The following MMEL1 variants were observed in gnomAD, a reference collection of about 807,000 sequenced individuals.
The protein encoded by MMEL1 is membrane metalloendopeptidase like 1.
MMEL1 carries 98 observed loss-of-function variants against 117.1 expected under a neutral mutation model. The observed-to-expected ratio is 0.84, with a 90% confidence interval of 0.71 to 0.99. The LOEUF (loss-of-function observed/expected upper bound fraction) is 0.99, where lower values mean the gene tolerates loss of function less well. MMEL1 is among the 50% of genes least tolerant of loss of function. MMEL1 has a pLI of 0.00. For missense variants in MMEL1, 1,014 were observed against 1,049.1 expected, an observed-to-expected ratio of 0.97 and a Z score of 0.46; for synonymous variants, 390 against 415.1, an observed-to-expected ratio of 0.94 and a Z score of 0.74.
chr1:2,605,505 G>C, intron 9 of MMEL1, 53 bp downstream of exon 9: 1 of 1,519,806 alleles, frequency 6.6e-7, no homozygotes, highest in Non-Finnish European at 9.1e-7. Context: ...GCCAGACCAC[G>C]GGGTAGGGGG....
chr1:2,593,796 G>T lies in MMEL1; in HGVS notation c.1867+18C>A, dbSNP rs780981992. 5 of 1,587,466 alleles carry T rather than the reference G, an allele frequency of 3.1e-6. No homozygotes were observed. The East Asian group carries it at 1.1e-4, about 36-fold the overall frequency. ...CGGAGAGGGGAGGGCGTGTGTGATT[G>T]GAGGGGCGGCCGCTCACCATTGTCG... On this transcript the variant is annotated intron_variant, in intron 19 of 23. Transcript: ENST00000378412.
intron 2 of MMEL1, 99 bp downstream of exon 2, chr1:2,629,232 G>A (rs987498298): frequency 1.5e-6 from 2 of 1,310,010 alleles, no homozygotes; most frequent in Non-Finnish European, 2.0e-6. Context: ...TCTGACGGGC[G>A]GGCTCGGGCT....
rs369479524 is a variant in MMEL1, at chr1:2,607,078, G to A, written c.536-9C>T. ...TCGCTTCTCTATCACACCTGAGAAG[G>A]GACGCAGTGGTCACTCTCCCAGCCT... On this transcript the variant is annotated splice_polypyrimidine_tract_variant and intron_variant, in intron 6 of 23. Coordinates refer to ENST00000378412, the MANE Select transcript of MMEL1 (RefSeq NM_033467.4). The A allele has an allele frequency of 6.2e-5, 100 of 1,606,102 alleles. No homozygotes were observed. Among genetic ancestry groups the A allele is most frequent in the Non-Finnish European group, 7.0e-5 (82 of 1,174,512 alleles).
chr1:2,615,492 G>T (rs1645187444), intron 2 of MMEL1, among the ~76,000 whole-genome samples: 2 of 152,184 alleles, frequency 1.3e-5, no homozygotes, highest in South Asian at 2.1e-4. Context: ...GAAAGTCTGA[G>T]AAACTGTCAC....
Position 2,592,677 on chromosome 1 carries a change from C to G in MMEL1, c.2045G>C (p.Gly682Ala). The change falls in exon 21 of 24, where the codon GGA becomes GCA. Residue 682 changes from glycine (G) to alanine (A), a missense_variant. Physicochemically the swap from Gly to Ala is moderately conservative, Grantham distance 60 (BLOSUM62 0). Transcript: ENST00000378412. ...NTLGENIADN[G>A]GVRQAYKAYL... ...CACCTTATAGGCTTGCCGCACCCCT[C>G]CGTTGTCAGCAATGTTTTCCCCAAG... 1.9e-6 allele frequency: 3 copies of G among 1,607,842 alleles called. No individual in the cohort carries two copies. The highest frequency in any genetic ancestry group is 2.5e-6 in the Non-Finnish European group (3 of 1,177,800).
chr1:2,627,127 G>A (rs1040560877), intron 2 of MMEL1, among the ~76,000 whole-genome samples: 2 of 152,272 alleles, frequency 1.3e-5, no homozygotes, highest in Non-Finnish European at 2.9e-5. Context: ...TGTTAAGTCA[G>A]AAACGGTGAC....
chr1:2,596,448 T>C, intron 14 of MMEL1, 113 bp downstream of exon 14: 1 of 1,434,068 alleles, frequency 7.0e-7, no homozygotes, highest in Non-Finnish European at 9.4e-7. Flanking sequence ...CTCTGTCTGG[T>C]GAGCTGGGGC....
At chr1:2,594,612 C>T (rs905200469) in intron 17 of MMEL1, among the ~76,000 whole-genome samples, 169 bp from the exon 18 acceptor site, 1 of 152,186 alleles carries the variant, frequency 6.6e-6, no homozygotes, top group African/African-American at 2.4e-5. Context: ...GCGACTTGGG[C>T]CCCAGAAAGC....
chr1:2,594,254 G>T (rs1644793974), intron 18 of MMEL1, 131 bp downstream of exon 18: 1 of 1,051,090 alleles, frequency 9.5e-7, no homozygotes. Flanking sequence ...GCAGCAAGGG[G>T]TGACATAGGA....
At chr1:2,611,129 C>T in intron 4 of MMEL1, 152 bp downstream of exon 4, 1 of 729,880 alleles carries the variant, frequency 1.4e-6, no homozygotes, top group Non-Finnish European at 2.2e-6. Flanking sequence ...GCTCCGCCCG[C>T]TCCACAGCGA....
At chr1:2,606,189 A>G in intron 8 of MMEL1, 59 bp downstream of exon 8, 3 of 1,378,910 alleles carry the variant, frequency 2.2e-6, no homozygotes, top group Non-Finnish European at 2.1e-6. Context: ...CTGTGCTGCA[A>G]GAGCCCCCAG....
intron 1 of MMEL1, among the ~76,000 whole-genome samples, chr1:2,630,477 TGTGTGTGCAC>T (rs200665852): frequency 0.01 from 1,580 of 152,196 alleles, 32 homozygotes; most frequent in African/African-American, 0.036. Context: ...TGTGCATGTG[TGTGTGTGCAC>T]GTGTGTGCGT....
chr1:2,630,486 ACGTGTGTGCGTGTGCTCT>A (rs1006875710), intron 1 of MMEL1, among the ~76,000 whole-genome samples: 1 of 148,002 alleles, frequency 6.8e-6, no homozygotes, highest in Non-Finnish European at 1.5e-5. Flanking sequence ...GTGTGTGTGC[ACGTGTGTGCGTGTGCTCT>A]CGTGTGTGCG....
intron 2 of MMEL1, among the ~76,000 whole-genome samples, chr1:2,617,972 T>C (rs1269125416): frequency 6.6e-6 from 1 of 152,262 alleles, no homozygotes; most frequent in Non-Finnish European, 1.5e-5. Context: ...ATAACTTCTG[T>C]AATATGCCAA....
chr1:2,609,406 A>G lies in MMEL1; in HGVS notation c.468T>C (p.Asn156=), dbSNP rs1294695504. ...CAGCCGGCCGGTCCTTGGCAGTCGAATTCTCCAGCACCGCTGTGGGCACAG... is the reference window on the plus strand; with the variant it reads ...CAGCCGGCCGGTCCTTGGCAGTCGAGTTCTCCAGCACCGCTGTGGGCACAG... ...LEVILKAVLE[N]STAKDRPAVE... The change falls in exon 6 of 24, where the codon AAT becomes AAC. Residue 156 remains asparagine, a synonymous_variant. Transcript: ENST00000378412. 3.1e-6 allele frequency: 5 copies of G among 1,610,916 alleles called. No individual in the cohort carries two copies. The highest frequency in any genetic ancestry group is 4.2e-6 in the Non-Finnish European group (5 of 1,178,996).
Position 2,618,252 on chromosome 1 carries a change from T to TTCTC in MMEL1, c.155-6052_155-6049dup, listed in dbSNP as rs374059827. Reference sequence around the variant, plus strand: ...TGGCTTGAAAAGAGCCTGGCACCTCTTCTCTCTCTCTCTCTCTCTTTCTCT... The same window carrying TTCTC: ...TGGCTTGAAAAGAGCCTGGCACCTCTTCTCTCTCTCTCTCTCTCTCTCTTTCTCT... On this transcript the variant is annotated intron_variant, in intron 2 of 23. Transcript: ENST00000378412. Among the ~76,000 whole-genome samples the TTCTC allele has an allele frequency of 2.1e-4, 32 of 150,028 alleles. No homozygotes were observed. In the South Asian group the frequency reaches 3.8e-3, roughly 18 times the overall value.
At position 2,595,714 on chromosome 1, in the gene MMEL1, G is replaced by A. The variant is rs541886501; in HGVS notation, c.1500+295C>T. Among the ~76,000 whole-genome samples the A allele has an allele frequency of 5.1e-4, 78 of 152,220 alleles. No individual in the cohort carries two copies. The highest frequency in any genetic ancestry group is 1.9e-3 in the African/African-American group (78 of 41,548). On this transcript the variant is annotated intron_variant, in intron 15 of 23. Coordinates refer to ENST00000378412, the MANE Select transcript of MMEL1 (RefSeq NM_033467.4). The surrounding 1 kb of genome is among the most constrained non-coding windows in gnomAD (Gnocchi z 4.8). ...TCTGACCCTTGCTCCCGAGGCCACC[G>A]CTACCCCCGCTGGCTCATGGGGGGT...
chr1:2,627,695 T>C (rs980577915), intron 2 of MMEL1, among the ~76,000 whole-genome samples: 2 of 152,260 alleles, frequency 1.3e-5, no homozygotes, highest in Non-Finnish European at 2.9e-5. Context: ...AAATGACTTA[T>C]AAGTCAATGA....
At chr1:2,628,318 C>G (rs1477535388) in intron 2 of MMEL1, among the ~76,000 whole-genome samples, 1 of 152,254 alleles carries the variant, frequency 6.6e-6, no homozygotes, top group African/African-American at 2.4e-5. Flanking sequence ...CATCCACAGG[C>G]AGCACCCACT....
Sources: gnomAD v4.1 joint callset for allele counts (sites outside exome capture counted in the v4.1 genomes callset) on GRCh38, gnomAD v4.1.1 for gene constraint, Gnocchi (gnomAD v3.1) non-coding constraint, MANE v1.5 for transcripts, NCBI Gene and HGNC (gene_info 2026-07-23, HGNC 2026-07-21) for gene names.